The following MERTK variants were observed in gnomAD, a reference collection of about 807,000 sequenced individuals.
MERTK encodes the protein tyrosine-protein kinase Mer.
In MERTK, 69 loss-of-function variants were observed where a neutral mutation model predicts 99.3. The ratio of observed to expected loss-of-function variants is 0.70; its 90% CI spans 0.57 to 0.85. MERTK has a LOEUF of 0.85. Among genes scored for constraint, MERTK ranks in the 40% least tolerant of loss-of-function variants. The pLI is 0.00. For missense variants in MERTK, 1,125 were observed against 1,249.4 expected (o/e 0.90, Z 1.50); for synonymous variants, 426 against 467.6 (o/e 0.91, Z 1.15).
chr2:112,008,031 T>C (rs1391437199), intron 13 of MERTK, among the ~76,000 whole-genome samples: 1 of 152,182 alleles, frequency 6.6e-6, no homozygotes, highest in East Asian at 1.9e-4. Flanking sequence ...TTGCAATTGA[T>C]GAACCCATAC....
intron 7 of MERTK, among the ~76,000 whole-genome samples, chr2:111,980,599 T>C (rs1273988934): frequency 6.6e-6 from 1 of 152,002 alleles, no homozygotes; most frequent in Non-Finnish European, 1.5e-5. Flanking sequence ...TTTGTATTTT[T>C]AGTAGAGACG....
At chr2:111,955,446 G>A (rs951379489) in intron 4 of MERTK, among the ~76,000 whole-genome samples, 1 of 152,088 alleles carries the variant, frequency 6.6e-6, no homozygotes, top group Non-Finnish European at 1.5e-5. Context: ...GGGGTAGGAT[G>A]TTCTATAAGG....
At chr2:111,920,211 A>G (rs2104676240) in intron 1 of MERTK, among the ~76,000 whole-genome samples, 1 of 152,348 alleles carries the variant, frequency 6.6e-6, no homozygotes, top group Middle Eastern at 3.4e-3. Flanking sequence ...CGTGTTTTAC[A>G]GGCAACTTCA....
chr2:111,917,192 GGATGGA>G (rs1457354963), intron 1 of MERTK, among the ~76,000 whole-genome samples: 1 of 152,172 alleles, frequency 6.6e-6, no homozygotes, highest in Non-Finnish European at 1.5e-5. Context: ...TGCTGGGTGG[GGATGGA>G]AGGCCTGGCT....
chr2:111,975,840 C>T (rs961990820), intron 7 of MERTK, among the ~76,000 whole-genome samples: 2 of 152,150 alleles, frequency 1.3e-5, no homozygotes, highest in South Asian at 2.1e-4. Context: ...AGCAAGCAGT[C>T]GGCTCTGCAG....
chr2:112,020,498 TTTTA>T, intron 16 of MERTK: 5 of 449,832 alleles, frequency 1.1e-5, no homozygotes, highest in South Asian at 8.0e-5. Flanking sequence ...CTTCTCTTCC[TTTTA>T]TTCTTTCTTC....
At chr2:111,941,991 C>T (rs948314232) in intron 2 of MERTK, among the ~76,000 whole-genome samples, 7 of 152,194 alleles carry the variant, frequency 4.6e-5, no homozygotes, top group Non-Finnish European at 7.3e-5. Context: ...CATAGTTTCT[C>T]GGCTTCTGGG....
chr2:111,976,488 A>G (rs1367335823), intron 7 of MERTK, among the ~76,000 whole-genome samples: 2 of 150,794 alleles, frequency 1.3e-5, no homozygotes, highest in East Asian at 2.0e-4. Flanking sequence ...AACCAGGGCT[A>G]TGGGAGTTGT....
At chr2:111,989,403 C>T (rs1051104463) in intron 8 of MERTK, among the ~76,000 whole-genome samples, 55 of 149,408 alleles carry the variant, frequency 3.7e-4, no homozygotes, top group Middle Eastern at 3.6e-3. Flanking sequence ...GTCACCCAGG[C>T]TGGAGTGCAG....
chr2:111,974,914 T>C (rs887970384), intron 6 of MERTK, among the ~76,000 whole-genome samples: 4 of 152,068 alleles, frequency 2.6e-5, no homozygotes, highest in Non-Finnish European at 4.4e-5. Flanking sequence ...GCACATATTA[T>C]ATCTGTTTCC....
intron 2 of MERTK, 38 bp from the exon 3 acceptor site, chr2:111,944,921 GT>G (rs780739456): frequency 3.0e-5 from 45 of 1,523,132 alleles, no homozygotes; most frequent in African/African-American, 1.1e-4. Context: ...AACTCAAAGG[GT>G]AGTCACTGTA....
Position 111,964,371 on chromosome 2 carries a change from G to T in MERTK, c.758-820G>T, listed in dbSNP as rs201396533. 1.3e-4 allele frequency among the ~76,000 whole-genome samples: 8 copies of T among 62,952 alleles called. No individual in the cohort carries two copies. In the East Asian group the frequency reaches 2.0e-3, roughly 16 times the overall value. 41.3% of individuals were successfully genotyped at this position (62,952 alleles called of 152,430 possible). On this transcript the variant is annotated intron_variant, in intron 4 of 18. Coordinates refer to ENST00000295408, the MANE Select transcript of MERTK (RefSeq NM_006343.3). ...TTGACATGCCCCATCATTGTCTCGT[G>T]TGTGTGTGTGTGTGTGTGTGTGTGT...
At chr2:111,983,646 T>G (rs1184484490) in intron 8 of MERTK, among the ~76,000 whole-genome samples, 1 of 152,168 alleles carries the variant, frequency 6.6e-6, no homozygotes. Flanking sequence ...TTGGGCAATG[T>G]GATGTACCCA....
At position 111,920,223 on chromosome 2, in the gene MERTK, G is replaced by A. The variant is rs1458797748; in HGVS notation, c.62-8897G>A. Among the ~76,000 whole-genome samples, 4 of 152,252 alleles carry A rather than the reference G, an allele frequency of 2.6e-5. No individual in the cohort carries two copies. The South Asian group carries it at 6.2e-4, about 24-fold the overall frequency. On this transcript the variant is annotated intron_variant, in intron 1 of 18. Coordinates refer to ENST00000295408, the MANE Select transcript of MERTK (RefSeq NM_006343.3). ...CACCGTGTTTTACAGGCAACTTCAC[G>A]TTCCTTCCACCGTGCAGGCATTTCT... is the stretch of plus-strand genomic sequence containing the variant.
intron 1 of MERTK, among the ~76,000 whole-genome samples, chr2:111,923,023 C>G (rs1245976096): frequency 3.3e-5 from 5 of 152,212 alleles, no homozygotes; most frequent in Non-Finnish European, 7.3e-5. Flanking sequence ...TGCTGACAGC[C>G]TCTCCAAGTT....
chr2:111,969,209 ATTATCTTAC>A (rs1676029586), intron 6 of MERTK, among the ~76,000 whole-genome samples: 1 of 152,182 alleles, frequency 6.6e-6, no homozygotes, highest in African/African-American at 2.4e-5. Flanking sequence ...CTTTGCAAAC[ATTATCTTAC>A]TTAACACACG....
intron 2 of MERTK, among the ~76,000 whole-genome samples, chr2:111,939,761 C>G (rs559942751): frequency 1.4e-5 from 2 of 147,192 alleles, no homozygotes; most frequent in South Asian, 4.4e-4. Flanking sequence ...ACCTTAGCCT[C>G]CCAAAGTACT....
At chr2:112,022,748 A>T (rs1187488177) in intron 18 of MERTK, among the ~76,000 whole-genome samples, 1 of 152,216 alleles carries the variant, frequency 6.6e-6, no homozygotes, top group Non-Finnish European at 1.5e-5. Flanking sequence ...AGGTCCTTGA[A>T]TGATTCCTCA....
At chr2:111,907,209 G>C (rs1684152920) in intron 1 of MERTK, among the ~76,000 whole-genome samples, 1 of 152,188 alleles carries the variant, frequency 6.6e-6, no homozygotes, top group Non-Finnish European at 1.5e-5. Context: ...GAGGTCAGGA[G>C]TTTGAGACCA....
Sources: gnomAD v4.1 joint callset for allele counts (sites outside exome capture counted in the v4.1 genomes callset) on GRCh38, gnomAD v4.1.1 for gene constraint, MANE v1.5 for transcripts, NCBI Gene and HGNC (gene_info 2026-07-23, HGNC 2026-07-21) for gene names.